Variants in FGGY observed in about 807,000 individuals in gnomAD.
FGGY encodes the protein FGGY carbohydrate kinase domain-containing protein.
A neutral mutation model predicts 71.3 loss-of-function variants in FGGY; 72 were observed. That is an observed-to-expected ratio of 1.01 (90% confidence interval 0.84 to 1.23). The LOEUF (loss-of-function observed/expected upper bound fraction) is 1.23, where lower values mean the gene tolerates loss of function less well. FGGY is among the 50% of genes most tolerant of loss of function. The pLI is 0.00. For synonymous variants in FGGY, 251 were observed against 250.3 expected, an observed-to-expected ratio of 1.00 and a Z score of -0.02; for missense variants, 668 against 682.3, an observed-to-expected ratio of 0.98 and a Z score of 0.23.
chr1:59,406,073 T>C (rs576375635), intron 5 of FGGY, among the ~76,000 whole-genome samples: 3 of 152,096 alleles, frequency 2.0e-5, no homozygotes, highest in African/African-American at 7.2e-5. Context: ...CAGGAACAAA[T>C]GTTTTTTAAA....
chr1:59,588,286 G>C (rs1170797727), intron 8 of FGGY, among the ~76,000 whole-genome samples: 1 of 152,004 alleles, frequency 6.6e-6, no homozygotes, highest in Non-Finnish European at 1.5e-5. Context: ...AAGAAATATG[G>C]GACTATGTGA....
intron 1 of FGGY, among the ~76,000 whole-genome samples, chr1:59,297,706 C>A (rs1179433159): frequency 1.3e-5 from 2 of 151,936 alleles, no homozygotes; most frequent in African/African-American, 4.8e-5. Context: ...GCCTGCAGTC[C>A]CAGCTTCTCG....
chr1:59,302,382 C>T (rs2042887745), intron 1 of FGGY, among the ~76,000 whole-genome samples: 1 of 152,050 alleles, frequency 6.6e-6, no homozygotes. Context: ...CAGCACTATT[C>T]ACAATAGCAA....
At chr1:59,366,186 GA>G (rs2056556869) in intron 4 of FGGY, among the ~76,000 whole-genome samples, 3 of 152,206 alleles carry the variant, frequency 2.0e-5, no homozygotes, top group Admixed American at 2.0e-4. Context: ...CCTTCAGGGG[GA>G]GGAAAGTAGG....
intron 14 of FGGY, among the ~76,000 whole-genome samples, chr1:59,713,377 G>A (rs1394869486): frequency 6.6e-6 from 1 of 152,006 alleles, no homozygotes; most frequent in African/African-American, 2.4e-5. Context: ...ACATTTTTGG[G>A]TATCTTTTCA....
At chr1:59,520,160 C>T (rs1277790123) in intron 7 of FGGY, among the ~76,000 whole-genome samples, 2 of 152,248 alleles carry the variant, frequency 1.3e-5, no homozygotes, top group African/African-American at 4.8e-5. Flanking sequence ...GATATTATTT[C>T]TCTTCATCAA....
At chr1:59,509,410 T>C (rs2094466527) in intron 6 of FGGY, among the ~76,000 whole-genome samples, 1 of 152,196 alleles carries the variant, frequency 6.6e-6, no homozygotes, top group Non-Finnish European at 1.5e-5. Flanking sequence ...AGCACAAGTT[T>C]AATCGCTTTC....
chr1:59,472,512 G>A (rs769655640), intron 6 of FGGY, among the ~76,000 whole-genome samples: 4 of 152,262 alleles, frequency 2.6e-5, no homozygotes, highest in South Asian at 4.1e-4. Context: ...CTGCAGCCCC[G>A]GTGCGGGATC....
chr1:59,389,194 C>A (rs79391999), intron 5 of FGGY, among the ~76,000 whole-genome samples: 1 of 152,212 alleles, frequency 6.6e-6, no homozygotes, highest in Non-Finnish European at 1.5e-5. Flanking sequence ...GATCCGCCCA[C>A]GGCTGAGTGA....
chr1:59,546,703 G>A (rs1337455188), intron 7 of FGGY, among the ~76,000 whole-genome samples: 1 of 151,352 alleles, frequency 6.6e-6, no homozygotes, highest in Non-Finnish European at 1.5e-5. Context: ...CCGCCACCAC[G>A]CCCGGCTAAT....
At chr1:59,315,309 G>T (rs935211472) in intron 1 of FGGY, among the ~76,000 whole-genome samples, 1 of 151,632 alleles carries the variant, frequency 6.6e-6, no homozygotes, top group Non-Finnish European at 1.5e-5. Context: ...ATCAATCAAA[G>T]GATTTCTTAG....
At chr1:59,667,524 C>CTGG in intron 13 of FGGY, 121 bp downstream of exon 13, 1 of 1,239,350 alleles carries the variant, frequency 8.1e-7, no homozygotes, top group Non-Finnish European at 1.1e-6. Flanking sequence ...TTAGAATAAT[C>CTGG]CTGAAGTCTT....
intron 1 of FGGY, among the ~76,000 whole-genome samples, chr1:59,302,058 A>C (rs2042841137): frequency 6.6e-6 from 1 of 152,036 alleles, no homozygotes; most frequent in Non-Finnish European, 1.5e-5. Context: ...TTTTTAAAAA[A>C]GATTCTTAAT....
At chr1:59,539,959 A>C (rs1025788639) in intron 7 of FGGY, among the ~76,000 whole-genome samples, 1 of 152,234 alleles carries the variant, frequency 6.6e-6, no homozygotes, top group Non-Finnish European at 1.5e-5. Flanking sequence ...GCATATATAC[A>C]TTTGAGCAGC....
At chr1:59,525,656 T>C (rs146904346) in intron 7 of FGGY, among the ~76,000 whole-genome samples, 1 of 152,350 alleles carries the variant, frequency 6.6e-6, no homozygotes, top group Admixed American at 6.5e-5. Context: ...GATTTACAGG[T>C]AGATGACGTC....
At chr1:59,555,669 G>T (rs541343065) in intron 8 of FGGY, among the ~76,000 whole-genome samples, 1 of 152,134 alleles carries the variant, frequency 6.6e-6, no homozygotes, top group Non-Finnish European at 1.5e-5. Context: ...TTTGGGCTCT[G>T]GGCAGTCTTG....
chr1:59,643,058 C>G (rs1313772652), intron 11 of FGGY, among the ~76,000 whole-genome samples: 1 of 148,900 alleles, frequency 6.7e-6, no homozygotes, highest in Non-Finnish European at 1.5e-5. Context: ...AAAAGAAAAA[C>G]CATTACATAC....
chr1:59,697,346 C>A (rs1415308572), intron 14 of FGGY, among the ~76,000 whole-genome samples: 3 of 152,178 alleles, frequency 2.0e-5, no homozygotes, highest in Non-Finnish European at 4.4e-5. Flanking sequence ...AACAATAACT[C>A]TGCATTGCCC....
chr1:59,476,363 T>C (rs1296835240), intron 6 of FGGY, among the ~76,000 whole-genome samples: 1 of 152,228 alleles, frequency 6.6e-6, no homozygotes, highest in African/African-American at 2.4e-5. Flanking sequence ...TTCATTTTAC[T>C]GATGAGGAAA....
Sources: allele counts gnomAD v4.1 joint callset (sites outside exome capture counted in the v4.1 genomes callset), GRCh38; gene constraint gnomAD v4.1.1; transcripts MANE v1.5; gene names NCBI Gene and HGNC (gene_info 2026-07-23, HGNC 2026-07-21).